Variants in TMEM223 observed in about 807,000 individuals in gnomAD.
TMEM223 encodes the protein transmembrane protein 223.
A neutral mutation model predicts 14.1 loss-of-function variants in TMEM223; 14 were observed. The ratio of observed to expected loss-of-function variants is 0.99; its 90% CI spans 0.66 to 1.55. The LOEUF (loss-of-function observed/expected upper bound fraction) is 1.55. Ranked by LOEUF, TMEM223 falls within the 40% of genes most tolerant of loss-of-function variation. The pLI is 0.00. For missense variants in TMEM223, 346 were observed against 269.9 expected, an observed-to-expected ratio of 1.28 and a Z score of -1.97; for synonymous variants, 145 against 120.5, an observed-to-expected ratio of 1.20 and a Z score of -1.33.
downstream of TMEM223, among the ~76,000 whole-genome samples, chr11:62,783,535 CTTTT>C (rs1342686734): frequency 7.5e-6 from 1 of 133,912 alleles, no homozygotes. Flanking sequence ...GAGGGAGGAT[CTTTT>C]TTTTTTTTTT....
chr11:62,784,513 A>G (rs1436222622), downstream of TMEM223, among the ~76,000 whole-genome samples: 5 of 144,232 alleles, frequency 3.5e-5, no homozygotes, highest in East Asian at 2.1e-4. Context: ...TCACCGTGTT[A>G]GCCAGGATGG....
At chr11:62,787,611 T>C, downstream of TMEM223, 1 of 1,427,300 alleles carries the variant, frequency 7.0e-7, no homozygotes, top group South Asian at 1.4e-5. Context: ...CCGACCGGGC[T>C]TGCTGCTGCT....
intron 1 of TMEM223, chr11:62,781,798 C>A: frequency 1.9e-6 from 2 of 1,033,536 alleles, no homozygotes; most frequent in Non-Finnish European, 3.0e-6. Context: ...AATTGTAAAA[C>A]ATGAATAAGG....
At chr11:62,784,017 C>A (rs369508106), downstream of TMEM223, among the ~76,000 whole-genome samples, 8 of 1,686 alleles carry the variant, frequency 4.7e-3, no homozygotes, top group Non-Finnish European at 9.9e-3. Context: ...GCGACAGAGT[C>A]TCACACTGTC....
chr11:62,787,652 G>C, downstream of TMEM223: 1 of 1,246,942 alleles, frequency 8.0e-7, no homozygotes, highest in Non-Finnish European at 1.1e-6. Context: ...AGGCACGGCT[G>C]GCGCCGGCCT....
downstream of TMEM223, chr11:62,787,173 C>T: frequency 1.3e-6 from 2 of 1,584,870 alleles, no homozygotes; most frequent in South Asian, 1.1e-5. Flanking sequence ...AGACTGCCTT[C>T]CCCGCGCCGT....
At chr11:62,782,387 G>A in intron 1 of TMEM223, 2 of 1,572,778 alleles carry the variant, frequency 1.3e-6, no homozygotes, top group Non-Finnish European at 1.7e-6. Context: ...CAAGTGGGTT[G>A]GGGTAAGGAA....
chr11:62,775,889 C>T (rs781391995), intron 1 of TMEM223: 2 of 1,613,988 alleles, frequency 1.2e-6, no homozygotes, highest in South Asian at 2.2e-5. Context: ...GGCGGCGCTG[C>T]TCGCAGAGGA....
At chr11:62,775,558 A>C (rs2084180036) in intron 1 of TMEM223, 2 of 526,932 alleles carry the variant, frequency 3.8e-6, no homozygotes, top group East Asian at 6.4e-5. Flanking sequence ...GTGAACCCCA[A>C]CACTTTGGAC....
At chr11:62,789,734 TGCTCACCAGTGTATTGTGA>T (rs2084335911), downstream of TMEM223, 1 of 1,511,674 alleles carries the variant, frequency 6.6e-7, no homozygotes, top group East Asian at 2.3e-5. Flanking sequence ...GCTGTGTGGG[TGCTCACCAGTGTATTGTGA>T]GCTTGGCCTA....
At chr11:62,775,899 A>C in intron 1 of TMEM223, 1 of 1,613,720 alleles carries the variant, frequency 6.2e-7, no homozygotes, top group South Asian at 1.1e-5. Context: ...CTCGCAGAGG[A>C]CGTGTGCTAT....
chr11:62,789,710 C>T, downstream of TMEM223: 1 of 1,525,536 alleles, frequency 6.6e-7, no homozygotes, highest in South Asian at 1.3e-5. Context: ...GAAAAACTGA[C>T]ATAAATATCT....
downstream of TMEM223, chr11:62,789,665 C>G (rs780233729): frequency 3.9e-6 from 6 of 1,546,548 alleles, no homozygotes; most frequent in Admixed American, 2.1e-5. Context: ...TTACTCCAAC[C>G]TACACAATGC....
chr11:62,787,678 C>G, downstream of TMEM223: 8 of 1,013,156 alleles, frequency 7.9e-6, no homozygotes, highest in South Asian at 1.3e-4. Context: ...TGAAATGCAG[C>G]GAGGCTAATC....
downstream of TMEM223, chr11:62,786,523 G>C (rs1432482412): frequency 5.8e-6 from 9 of 1,554,324 alleles, no homozygotes; most frequent in Non-Finnish European, 6.1e-6. Context: ...ACAGGTGGCG[G>C]TAGAGCGACT....
downstream of TMEM223, chr11:62,787,269 G>C (rs146877070): frequency 6.0e-5 from 93 of 1,561,338 alleles, no homozygotes; most frequent in Non-Finnish European, 7.8e-5. Flanking sequence ...GGGCGCTCTC[G>C]GACTACTCGC....
chr11:62,776,151 G>A (rs954067271), intron 1 of TMEM223, among the ~76,000 whole-genome samples: 2 of 152,160 alleles, frequency 1.3e-5, no homozygotes, highest in African/African-American at 2.4e-5. Flanking sequence ...AGCCCTGTTG[G>A]GCAGGCAGAG....
intron 1 of TMEM223, 139 bp from the exon 2 acceptor site, chr11:62,791,054 A>T (rs2084355594): frequency 1.1e-6 from 1 of 888,374 alleles, no homozygotes; most frequent in East Asian, 2.7e-5. Flanking sequence ...ACTGAGTCTC[A>T]CTCTGCCGGC....
chr11:62,785,907 C>T (rs1026376478), downstream of TMEM223: 10 of 166,750 alleles, frequency 6.0e-5, no homozygotes, highest in Admixed American at 5.4e-4. Context: ...ATTGTTTGAA[C>T]TGAGTCTCAG....
Sources: allele counts gnomAD v4.1 joint callset (sites outside exome capture counted in the v4.1 genomes callset), GRCh38; gene constraint gnomAD v4.1.1; transcripts MANE v1.5; gene names NCBI Gene and HGNC (gene_info 2026-07-23, HGNC 2026-07-21).